The following SPINK13 variants were observed in gnomAD, a reference collection of about 807,000 sequenced individuals.
SPINK13 encodes serine protease inhibitor Kazal-type 13.
Under a neutral mutation model 11.0 loss-of-function variants are expected in SPINK13, and 11 were observed. That is an observed-to-expected ratio of 1.00 (90% CI 0.63 to 1.65). The LOEUF is 1.65. Ranked by LOEUF, SPINK13 falls within the 40% of genes most tolerant of loss-of-function variation. SPINK13 has a pLI of 0.00. For synonymous variants in SPINK13, 31 were observed against 35.6 expected (o/e 0.87, Z 0.46); for missense variants, 113 against 117.7 (o/e 0.96, Z 0.19).
chr5:148,285,915 C>A (rs1382834516), intron 4 of SPINK13, 85 bp from the exon 5 acceptor site: 1 of 781,888 alleles, frequency 1.3e-6, no homozygotes, highest in Non-Finnish European at 2.0e-6. Flanking sequence ...TTCAGGACCT[C>A]TTTTAGAAGA....
At chr5:148,274,560 C>G (rs889933565) in intron 3 of SPINK13, among the ~76,000 whole-genome samples, 176 bp downstream of exon 3, 7 of 152,040 alleles carry the variant, frequency 4.6e-5, no homozygotes, top group African/African-American at 1.4e-4. Context: ...TCGGCCTGAG[C>G]AACATAGGAA....
At chr5:148,275,707 C>T (rs1317347145) in intron 3 of SPINK13, among the ~76,000 whole-genome samples, 1 of 151,404 alleles carries the variant, frequency 6.6e-6, no homozygotes, top group Non-Finnish European at 1.5e-5. Flanking sequence ...GTCACCCAGG[C>T]TGGAGTGCAA....
At chr5:148,278,577 G>GT (rs1238520607) in intron 3 of SPINK13, among the ~76,000 whole-genome samples, 1 of 152,210 alleles carries the variant, frequency 6.6e-6, no homozygotes, top group Non-Finnish European at 1.5e-5. Context: ...TAGTTGTGCA[G>GT]TTTTGAGTGA....
intron 3 of SPINK13, among the ~76,000 whole-genome samples, chr5:148,277,741 T>C (rs1581166419): frequency 6.6e-6 from 1 of 152,048 alleles, no homozygotes; most frequent in Admixed American, 6.6e-5. Context: ...AATTTTCTTT[T>C]CTTGTGTCTC....
At chr5:148,276,753 G>C (rs1756435488) in intron 3 of SPINK13, among the ~76,000 whole-genome samples, 1 of 152,128 alleles carries the variant, frequency 6.6e-6, no homozygotes, top group Non-Finnish European at 1.5e-5. Context: ...TGTCTTGGCT[G>C]TATGGGCTCT....
chr5:148,284,013 G>A (rs548748296), intron 4 of SPINK13, among the ~76,000 whole-genome samples: 24 of 152,270 alleles, frequency 1.6e-4, no homozygotes, highest in Non-Finnish European at 2.6e-4. Context: ...GTAACCTCAC[G>A]GAATGGTGTT....
intron 3 of SPINK13, among the ~76,000 whole-genome samples, chr5:148,275,721 C>T (rs143373971): frequency 0.057 from 8,558 of 151,062 alleles, 805 homozygotes; most frequent in African/African-American, 0.2. Flanking sequence ...AGTGCAATGG[C>T]GTGATCTTGG....
chr5:148,285,651 C>A (rs534173742), intron 4 of SPINK13, among the ~76,000 whole-genome samples: 1 of 151,910 alleles, frequency 6.6e-6, no homozygotes, highest in Non-Finnish European at 1.5e-5. Context: ...GAGCAAATTG[C>A]GTGAATTATG....
chr5:148,273,233 A>T (rs1581164304), intron 2 of SPINK13, among the ~76,000 whole-genome samples: 1 of 152,062 alleles, frequency 6.6e-6, no homozygotes, highest in East Asian at 1.9e-4. Context: ...GCCCTTTATC[A>T]AAAATCTTTT....
intron 3 of SPINK13, among the ~76,000 whole-genome samples, chr5:148,276,645 C>T (rs1411121067): frequency 3.3e-5 from 5 of 151,694 alleles, no homozygotes; most frequent in Admixed American, 3.3e-4. Flanking sequence ...CTGTTCTGTT[C>T]CATTGGTCTA....
At chr5:148,282,388 G>GAAGA (rs150018793) in intron 4 of SPINK13, among the ~76,000 whole-genome samples, 157 bp downstream of exon 4, 23,956 of 151,922 alleles carry the variant, frequency 0.16, 5,336 homozygotes, top group African/African-American at 0.49. Flanking sequence ...CAGAGAGAGT[G>GAAGA]AAGAAAGTCT....
At chr5:148,283,648 T>A (rs1313898020) in intron 4 of SPINK13, among the ~76,000 whole-genome samples, 1 of 152,220 alleles carries the variant, frequency 6.6e-6, no homozygotes, top group Admixed American at 6.5e-5. Context: ...ACTGTTCTCA[T>A]TAAAAGATGA....
intron 2 of SPINK13, 25 bp from the exon 3 acceptor site, chr5:148,274,322 T>C: frequency 6.3e-7 from 1 of 1,593,468 alleles, no homozygotes; most frequent in Non-Finnish European, 8.6e-7. Context: ...TCCTTTAACT[T>C]ACTGTGTTTA....
At position 148,282,101 on chromosome 5, in the gene SPINK13, C is replaced by T. The variant is rs766257566; in HGVS notation, c.109-3C>T. The T allele has an allele frequency of 2.5e-6, 4 of 1,613,924 alleles. No homozygotes were observed. The East Asian group carries it at 8.9e-5, about 36-fold the overall frequency. ...GTCACTTTATGGTGTCATGTATTTGCAGCCCCGATGTAAAATGTATATCCC... is the reference window on the plus strand; with the variant it reads ...GTCACTTTATGGTGTCATGTATTTGTAGCCCCGATGTAAAATGTATATCCC... On this transcript the variant is annotated splice_polypyrimidine_tract_variant and splice_region_variant and intron_variant, in intron 3 of 4. Coordinates refer to ENST00000398450, the MANE Select transcript of SPINK13 (RefSeq NM_001040129.3).
At chr5:148,274,289 G>C in intron 2 of SPINK13, 58 bp from the exon 3 acceptor site, 1 of 1,304,416 alleles carries the variant, frequency 7.7e-7, no homozygotes. Context: ...AGTAGGTGAT[G>C]TTATATCCCA....
intron 2 of SPINK13, among the ~76,000 whole-genome samples, chr5:148,270,536 T>C (rs936181307): frequency 1.3e-5 from 2 of 152,164 alleles, no homozygotes; most frequent in African/African-American, 4.8e-5. Flanking sequence ...ATTTCTGTGA[T>C]TGATGTTGGG....
chr5:148,271,667 G>A (rs11948389), intron 2 of SPINK13, among the ~76,000 whole-genome samples: 117,444 of 152,082 alleles, frequency 0.77, 49,971 homozygotes, highest in Non-Finnish European at 0.95. Flanking sequence ...TGTTGGAGAC[G>A]GAGTCTCACT....
intron 4 of SPINK13, among the ~76,000 whole-genome samples, chr5:148,285,502 A>C (rs938957145): frequency 6.6e-6 from 1 of 152,216 alleles, no homozygotes; most frequent in Non-Finnish European, 1.5e-5. Context: ...TGAAAGGAAC[A>C]TTATGTATTT....
chr5:148,275,364 T>A (rs549132239), intron 3 of SPINK13, among the ~76,000 whole-genome samples: 3 of 152,344 alleles, frequency 2.0e-5, no homozygotes, highest in African/African-American at 7.2e-5. Flanking sequence ...TGTGCCACAT[T>A]TTTTTATCCA....
Sources: gnomAD v4.1 joint callset for allele counts (sites outside exome capture counted in the v4.1 genomes callset) on GRCh38, gnomAD v4.1.1 for gene constraint, MANE v1.5 for transcripts, NCBI Gene and HGNC (gene_info 2026-07-23, HGNC 2026-07-21) for gene names.